The following EAF1 variants were observed in gnomAD, a reference collection of about 807,000 sequenced individuals.
EAF1 encodes ELL-associated factor 1.
A neutral mutation model predicts 26.6 loss-of-function variants in EAF1; 19 were observed. The observed-to-expected ratio is 0.71, with a 90% CI of 0.50 to 1.05. The LOEUF is 1.05. Among genes scored for constraint, EAF1 ranks in the 50% least tolerant of loss-of-function variants. The probability of loss-of-function intolerance (pLI) is 0.00; values close to 1 mark genes in which losing one functional copy is unlikely to be tolerated. For missense variants in EAF1, 260 were observed against 335.5 expected (o/e 0.78, Z 1.76); for synonymous variants, 102 against 120.6 (o/e 0.85, Z 1.01).
chr3:15,432,294 G>C, intron 3 of EAF1, 71 bp downstream of exon 3: 1 of 1,565,332 alleles, frequency 6.4e-7, no homozygotes, highest in East Asian at 2.3e-5. Context: ...TTTTTATAAG[G>C]TTGTGAACAT....
At chr3:15,438,965 G>A (rs772754530) in intron 5 of EAF1, 144 bp from the exon 6 acceptor site, 152 of 736,512 alleles carry the variant, frequency 2.1e-4, no homozygotes, top group Non-Finnish European at 3.2e-4. Flanking sequence ...GAGCCAATTT[G>A]ATTTTCTTCC....
chr3:15,433,194 A>ATATGTGCT (rs1404055904), intron 3 of EAF1: 1 of 148,304 alleles, frequency 6.7e-6, no homozygotes, highest in African/African-American at 2.5e-5. Context: ...CAATTTTAGT[A>ATATGTGCT]TATGTGCTGC....
Position 15,434,517 on chromosome 3 carries a change from C to T in EAF1, c.505C>T (p.Gln169Ter). Residue 169 changes from glutamine to a stop codon, truncating the protein, a stop_gained, in exon 4 of 6, where the codon CAG becomes TAG. Coordinates refer to ENST00000396842, the MANE Select transcript of EAF1 (RefSeq NM_033083.7). LOFTEE classifies it high-confidence loss of function. ...PLKDNPSPEP[Q>*]LDDIKRELRA... The stretch of plus-strand genomic sequence containing the variant: ...GAAAGATAACCCCTCACCTGAACCT[C>T]AGTTGGATGACATCAAAAGAGGTAG... 5.6e-6 allele frequency: 9 copies of T among 1,614,200 alleles called. No individual in the cohort carries two copies. The highest frequency in any genetic ancestry group is 6.8e-6 in the Non-Finnish European group (8 of 1,180,034).
chr3:15,434,008 C>T (rs1275001597), intron 3 of EAF1, among the ~76,000 whole-genome samples: 1 of 152,086 alleles, frequency 6.6e-6, no homozygotes, highest in East Asian at 1.9e-4. Flanking sequence ...CAGGACTTAC[C>T]CTCATTGTTA....
chr3:15,429,406 A>G (rs187804603), intron 1 of EAF1, among the ~76,000 whole-genome samples: 1 of 152,226 alleles, frequency 6.6e-6, no homozygotes, highest in East Asian at 1.9e-4. Flanking sequence ...GACAGTTTCT[A>G]TGCGGAATGA....
rs62242154 is a variant in EAF1, at chr3:15,434,475, C to T, written c.463C>T (p.Pro155Ser). The T allele has an allele frequency of 2.4e-3, 3,942 of 1,614,188 alleles. 13 individuals carry two copies. Among genetic ancestry groups the T allele is most frequent in the Middle Eastern group, 6.4e-3 (39 of 6,062 alleles). The change falls in exon 4 of 6, where the codon CCC (proline) becomes TCC (serine). Residue 155 changes from proline to serine, a missense_variant. By Grantham distance (74) the Pro-to-Ser change is moderately conservative. Coordinates refer to ENST00000396842, the MANE Select transcript of EAF1 (RefSeq NM_033083.7). ...FRAPTKPPVG[P>S]KTSPLKDNPS... ...AGCTCCAACGAAGCCTCCAGTTGGA[C>T]CCAAAACTTCTCCCTTGAAAGATAA...
Position 15,434,217 on chromosome 3 carries a change from A to C in EAF1, c.336-131A>C, listed in dbSNP as rs576754318. On this transcript the variant is annotated intron_variant, in intron 3 of 5. Coordinates refer to ENST00000396842, the MANE Select transcript of EAF1 (RefSeq NM_033083.7). ...GAATAGCTCACATGACAAAATTACA[A>C]GTATCAGTATTTTGAAGTGGTCTGG... is the stretch of plus-strand genomic sequence containing the variant. 2.3e-5 allele frequency: 22 copies of C among 975,982 alleles called. No homozygotes were observed. In the East Asian group the frequency reaches 4.8e-4, roughly 21 times the overall value. The allele number at this position is 975,982 out of a possible 1,614,324, so 60.5% of individuals were successfully genotyped here.
At chr3:15,430,478 A>T (rs2061796082) in intron 2 of EAF1, among the ~76,000 whole-genome samples, 1 of 146,304 alleles carries the variant, frequency 6.8e-6, no homozygotes, top group East Asian at 2.0e-4. Context: ...AAAAAAAAAG[A>T]TTATTCGTCG....
intron 2 of EAF1, 76 bp from the exon 3 acceptor site, chr3:15,432,011 G>A (rs946657022): frequency 5.7e-5 from 84 of 1,466,324 alleles, no homozygotes; most frequent in Non-Finnish European, 7.7e-5. Context: ...TCATCAGGTG[G>A]AGTCATCTAT....
chr3:15,432,263 A>C (rs1465162860), intron 3 of EAF1, 40 bp downstream of exon 3: 1 of 1,609,356 alleles, frequency 6.2e-7, no homozygotes, highest in Non-Finnish European at 8.5e-7. Context: ...TCATGTTTCC[A>C]AACCTCTGTT....
At chr3:15,430,622 T>C (rs1003704032) in intron 2 of EAF1, among the ~76,000 whole-genome samples, 5 of 152,270 alleles carry the variant, frequency 3.3e-5, no homozygotes, top group African/African-American at 9.6e-5. Flanking sequence ...GCCCTGCTGA[T>C]TATATGGCCA....
rs1234750080 is a variant in EAF1, at chr3:15,434,462, G to T, written c.450G>T (p.Lys150Asn). The T allele has an allele frequency of 1.9e-6, 3 of 1,614,142 alleles. No homozygotes were observed. Among genetic ancestry groups the T allele is most frequent in the East Asian group, 4.5e-5 (2 of 44,884 alleles). The change falls in exon 4 of 6, where the codon AAG becomes AAT. Residue 150 changes from lysine (K) to asparagine (N), a missense_variant. Lys to Asn is a moderately conservative substitution (Grantham distance 94). Transcript: ENST00000396842. Reference protein sequence around the residue: ...PPPMPFRAPTKPPVGPKTSPL... With the variant: ...PPPMPFRAPTNPPVGPKTSPL... ...CTATGCCATTCAGAGCTCCAACGAA[G>T]CCTCCAGTTGGACCCAAAACTTCTC...
chr3:15,435,508 G>A (rs1286781955), intron 4 of EAF1, among the ~76,000 whole-genome samples: 1 of 151,570 alleles, frequency 6.6e-6, no homozygotes, highest in Non-Finnish European at 1.5e-5. Flanking sequence ...CTGGAATGCT[G>A]TTATGGAAGT....
intron 3 of EAF1, 116 bp downstream of exon 3, chr3:15,432,339 C>A: frequency 7.5e-7 from 1 of 1,325,702 alleles, no homozygotes; most frequent in Non-Finnish European, 1.0e-6. Context: ...ATAATCTTAA[C>A]ACTACCTGTG....
rs1231950350 is a variant in EAF1 at position 15,427,779 on chromosome 3, C to T, written c.-1C>T. 6.4e-7 allele frequency: 1 copy of T among 1,551,136 alleles called. No individual in the cohort carries two copies. The highest frequency in any genetic ancestry group is 2.4e-5 in the East Asian group (1 of 40,870). ...TCTGGGTGCGAGGCAGGTGCGGGGCCATGAATGGGACCGCAAACCCGCTGC... is the reference window on the plus strand; with the variant it reads ...TCTGGGTGCGAGGCAGGTGCGGGGCTATGAATGGGACCGCAAACCCGCTGC... On this transcript the variant is annotated 5_prime_UTR_variant, in exon 1 of 6. Coordinates refer to ENST00000396842, the MANE Select transcript of EAF1 (RefSeq NM_033083.7).
intron 4 of EAF1, among the ~76,000 whole-genome samples, chr3:15,435,464 T>C (rs893442970): frequency 1.3e-5 from 2 of 152,024 alleles, no homozygotes; most frequent in Non-Finnish European, 2.9e-5. Context: ...CTGTGTACAG[T>C]TGTTTTGTCC....
chr3:15,435,475 CT>C (rs1199182612), intron 4 of EAF1, among the ~76,000 whole-genome samples: 45 of 146,372 alleles, frequency 3.1e-4, no homozygotes, highest in Middle Eastern at 3.6e-3. Flanking sequence ...TGTTTTGTCC[CT>C]TTTTTTTTTT....
chr3:15,431,270 T>C (rs1366217194), intron 2 of EAF1, among the ~76,000 whole-genome samples: 1 of 152,226 alleles, frequency 6.6e-6, no homozygotes, highest in Admixed American at 6.5e-5. Flanking sequence ...GTCTGGAGTT[T>C]AAATTAATAC....
At chr3:15,431,599 T>C (rs986762292) in intron 2 of EAF1, among the ~76,000 whole-genome samples, 4 of 152,128 alleles carry the variant, frequency 2.6e-5, no homozygotes, top group Admixed American at 6.5e-5. Context: ...CTGAGAGCAA[T>C]TGAGGAGTGA....
Sources: gnomAD v4.1 joint callset for allele counts (sites outside exome capture counted in the v4.1 genomes callset) on GRCh38, gnomAD v4.1.1 for gene constraint, MANE v1.5 for transcripts, NCBI Gene and HGNC (gene_info 2026-07-23, HGNC 2026-07-21) for gene names.